BRCA1: variants seen among roughly 807,000 people sequenced by gnomAD.
BRCA1 encodes the protein breast cancer type 1 susceptibility protein.
BRCA1 carries 140 observed loss-of-function variants against 173.7 expected under a neutral mutation model. That is an observed-to-expected ratio of 0.81 (90% CI 0.70 to 0.93). The LOEUF (loss-of-function observed/expected upper bound fraction) is 0.93. BRCA1 is among the 40% of genes least tolerant of loss of function. The pLI, the probability that BRCA1 is intolerant of heterozygous loss-of-function variation, is 0.00. For synonymous variants in BRCA1, 662 were observed against 756.0 expected, an observed-to-expected ratio of 0.88 and a Z score of 2.04; for missense variants, 1,983 against 2,172.5, an observed-to-expected ratio of 0.91 and a Z score of 1.73.
intron 1 of BRCA1, chr17:43,164,628 G>C (rs1193199574): frequency 1.3e-5 from 2 of 152,210 alleles, no homozygotes; most frequent in Non-Finnish European, 2.9e-5. Context: ...TGTGGCCCAT[G>C]ACTCTGGAGG....
chr17:43,128,732 C>T (rs932187716), upstream of BRCA1, among the ~76,000 whole-genome samples: 42 of 152,138 alleles, frequency 2.8e-4, no homozygotes, highest in African/African-American at 9.9e-4. Context: ...TTCGAGACCC[C>T]GTTAAAGAGA....
At chr17:43,159,079 A>G (rs1410379067) in intron 1 of BRCA1, among the ~76,000 whole-genome samples, 2 of 150,108 alleles carry the variant, frequency 1.3e-5, no homozygotes, top group Non-Finnish European at 3.0e-5. Flanking sequence ...CTACAAACAC[A>G]CACACAAACA....
intron 2 of BRCA1, among the ~76,000 whole-genome samples, chr17:43,117,327 A>G (rs944958612): frequency 2.6e-5 from 4 of 152,182 alleles, no homozygotes; most frequent in African/African-American, 7.2e-5. Flanking sequence ...CTGTGGTCTC[A>G]GCTACTTTGG....
At chr17:43,094,955 T>G (rs969900265) in intron 9 of BRCA1, 95 bp from the exon 10 acceptor site, 7 of 1,160,150 alleles carry the variant, frequency 6.0e-6, no homozygotes, top group Non-Finnish European at 8.7e-6. Flanking sequence ...ATCAACCAAC[T>G]GGCTATATTA....
intron 11 of BRCA1, among the ~76,000 whole-genome samples, chr17:43,086,465 G>GA (rs999144116): frequency 5.3e-5 from 8 of 150,366 alleles, no homozygotes; most frequent in Admixed American, 3.3e-4. Context: ...TACAAAAAGG[G>GA]AAAAAAAAAT....
At chr17:43,054,733 G>GC (rs2153227085) in intron 19 of BRCA1, among the ~76,000 whole-genome samples, 2 of 140,698 alleles carry the variant, frequency 1.4e-5, no homozygotes, top group Admixed American at 1.4e-4. Flanking sequence ...GAGCCGCTGT[G>GC]CCCAGCTGGG....
Position 43,076,544 on chromosome 17 carries a change from C to T in BRCA1, c.4428G>A (p.Lys1476=), listed in dbSNP as rs1057522527. The stretch of plus-strand genomic sequence containing the variant: ...TAGAACTATCTGCAGACACCTCAAA[C>T]TTGTCAGCAGAAAGGCCTTCTGGAT... ...SQNPEGLSAD[K]FEVSADSSTS... Residue 1476 remains lysine, a synonymous_variant, in exon 13 of 23, where the codon AAG becomes AAA. Transcript: ENST00000357654. 2 of 1,613,662 alleles carry T rather than the reference C, an allele frequency of 1.2e-6. No homozygotes were observed. The highest frequency in any genetic ancestry group is 1.1e-5 in the South Asian group (1 of 91,068).
At chr17:43,136,408 T>C (rs1421992931) in intron 1 of BRCA1, among the ~76,000 whole-genome samples, 8 of 152,134 alleles carry the variant, frequency 5.3e-5, no homozygotes. Context: ...CCAAAAGCAG[T>C]GGCAACAAAA....
At chr17:43,047,579 T>C (rs2152752864) in intron 22 of BRCA1, 64 bp downstream of exon 22, 1 of 1,516,130 alleles carries the variant, frequency 6.6e-7, no homozygotes. Flanking sequence ...CACCAGGTAA[T>C]GAGTGATAAA....
intron 1 of BRCA1, chr17:43,139,843 C>T: frequency 2.1e-6 from 1 of 467,034 alleles, no homozygotes; most frequent in Non-Finnish European, 4.4e-6. Context: ...CCTCAAGATC[C>T]ATCTGTGTTC....
At chr17:43,114,572 T>C (rs985625370) in intron 3 of BRCA1, among the ~76,000 whole-genome samples, 1 of 152,078 alleles carries the variant, frequency 6.6e-6, no homozygotes, top group Non-Finnish European at 1.5e-5. Flanking sequence ...AACCCCAAGT[T>C]AAGAACTCTG....
rs886038028 is a variant in BRCA1, at chr17:43,091,621, C to G, written c.3910G>C (p.Glu1304Gln). The G allele has an allele frequency of 1.9e-6, 3 of 1,614,178 alleles. No individual in the cohort carries two copies. Among genetic ancestry groups the G allele is most frequent in the Non-Finnish European group, 2.5e-6 (3 of 1,180,028 alleles). ...SLFSSQCSEL[E>Q]DLTANTNTQD... ...GTGTTTGTATTTGCAGTCAAGTCTT[C>G]CAATTCACTGCACTGTGAAGAAAAC... Residue 1304 changes from glutamate (E) to glutamine (Q), a missense_variant, in exon 10 of 23, where the codon GAA (glutamate) becomes CAA (glutamine). Transcript: ENST00000357654.
Position 43,094,022 on chromosome 17 carries a change from CTTTAA to C in BRCA1, c.1504_1508del (p.Leu502AlafsTer2), listed in dbSNP as rs80357888. On this transcript the variant is annotated frameshift_variant, in exon 10 of 23. Coordinates refer to ENST00000357654, the MANE Select transcript of BRCA1 (RefSeq NM_007294.4). LOFTEE classifies it high-confidence loss of function. ...GGCCTGATGTAGGTCTCCTTTTACGCTTTAATTTATTTGTGAGGGGACGCTCTTGT... is the reference window on the plus strand; with the variant it reads ...GGCCTGATGTAGGTCTCCTTTTACGCTTTATTTGTGAGGGGACGCTCTTGT... 9 of 1,614,006 alleles carry C rather than the reference CTTTAA, an allele frequency of 5.6e-6. No homozygotes were observed. Among genetic ancestry groups the C allele is most frequent in the South Asian group, 4.4e-5 (4 of 91,070 alleles).
intron 18 of BRCA1, among the ~76,000 whole-genome samples, chr17:43,060,712 G>A (rs925559079): frequency 6.6e-6 from 1 of 151,526 alleles, no homozygotes; most frequent in Non-Finnish European, 1.5e-5. Flanking sequence ...TCACCATGTT[G>A]GCCAGGCTGG....
At chr17:43,102,877 A>G (rs544617033) in intron 6 of BRCA1, among the ~76,000 whole-genome samples, 2 of 150,666 alleles carry the variant, frequency 1.3e-5, no homozygotes, top group South Asian at 4.2e-4. Flanking sequence ...CTGGTCTTGA[A>G]CTCCTGAGCT....
chr17:43,048,199 TTCTC>T (rs969895592), intron 21 of BRCA1, among the ~76,000 whole-genome samples: 9 of 151,496 alleles, frequency 5.9e-5, no homozygotes, highest in South Asian at 2.1e-4. Flanking sequence ...AGCCCATCAT[TTCTC>T]TCTCTCTCTT....
intron 10 of BRCA1, 155 bp from the exon 11 acceptor site, chr17:43,091,187 TA>T: frequency 1.1e-6 from 1 of 924,464 alleles, no homozygotes; most frequent in Non-Finnish European, 1.7e-6. Context: ...TTTGCTTTTA[TA>T]AAATGAAACC....
intron 1 of BRCA1, chr17:43,161,568 G>A (rs2056236014): frequency 6.6e-6 from 1 of 152,200 alleles, no homozygotes; most frequent in Non-Finnish European, 1.5e-5. Context: ...GTCCCGGTGG[G>A]ATTCTGGGTG....
At chr17:43,095,469 C>G (rs1226884996) in intron 9 of BRCA1, among the ~76,000 whole-genome samples, 1 of 152,018 alleles carries the variant, frequency 6.6e-6, no homozygotes, top group East Asian at 1.9e-4. Context: ...GTAGTCCCAG[C>G]TACTCAGGAG....
Sources: allele counts gnomAD v4.1 joint callset (sites outside exome capture counted in the v4.1 genomes callset), GRCh38; gene constraint gnomAD v4.1.1; transcripts MANE v1.5; gene names NCBI Gene and HGNC (gene_info 2026-07-23, HGNC 2026-07-21).